ZNF609: variants seen among roughly 807,000 people sequenced by gnomAD.
ZNF609 encodes zinc finger protein 609.
In ZNF609, 11 loss-of-function variants were observed where a neutral mutation model predicts 109.5. The observed-to-expected ratio is 0.10, with a 90% confidence interval of 0.06 to 0.17. The LOEUF (loss-of-function observed/expected upper bound fraction) is 0.17. ZNF609 is among the 10% of genes least tolerant of loss of function. The pLI, the probability that ZNF609 is intolerant of heterozygous loss-of-function variation, is 1.00. For missense variants in ZNF609, 1,559 were observed against 1,772.4 expected (o/e 0.88, Z 2.16); for synonymous variants, 646 against 662.0 (o/e 0.98, Z 0.37).
chr15:64,529,710 G>A (rs1443364956), intron 2 of ZNF609: 4 of 672,042 alleles, frequency 6.0e-6, no homozygotes, highest in African/African-American at 1.8e-5. Flanking sequence ...GAGAGAATAT[G>A]TGGCTGTCTG....
intron 2 of ZNF609, among the ~76,000 whole-genome samples, chr15:64,600,308 A>G (rs1895473785): frequency 6.6e-6 from 1 of 151,778 alleles, no homozygotes; most frequent in South Asian, 2.1e-4. Flanking sequence ...AAATTAGCTG[A>G]GCATGGTGGC....
chr15:64,607,381 A>G (rs2140955066), intron 2 of ZNF609, among the ~76,000 whole-genome samples: 1 of 152,238 alleles, frequency 6.6e-6, no homozygotes, highest in African/African-American at 2.4e-5. Flanking sequence ...TACTTGAACC[A>G]AAACATTTCA....
Position 64,682,574 on chromosome 15 carries a change from T to TCC in ZNF609, c.*891_*892dup, listed in dbSNP as rs1286150847. On this transcript the variant is annotated 3_prime_UTR_variant, in exon 10 of 10. Transcript: ENST00000326648. ...CCCCTTGGTGCCTTTCCCAGGGGGA[T>TCC]CCCCACACTGGTCTTGCCTCTTCTT... is the stretch of plus-strand genomic sequence containing the variant. 1 of 152,862 alleles carries TCC rather than the reference T, an allele frequency of 6.5e-6. No homozygotes were observed. Among genetic ancestry groups the TCC allele is most frequent in the Non-Finnish European group, 1.5e-5 (1 of 68,148 alleles). 9.5% of individuals were successfully genotyped at this position (152,862 alleles called of 1,614,324 possible).
chr15:64,518,467 G>C (rs1156605918), intron 2 of ZNF609, among the ~76,000 whole-genome samples: 1 of 152,206 alleles, frequency 6.6e-6, no homozygotes, highest in Non-Finnish European at 1.5e-5. Flanking sequence ...TCAGATAGTA[G>C]AAGGCCTTAA....
intron 2 of ZNF609, among the ~76,000 whole-genome samples, chr15:64,569,849 TG>T (rs1238735528): frequency 3.1e-4 from 47 of 152,342 alleles, no homozygotes; most frequent in Middle Eastern, 3.4e-3. Context: ...TTTTCTGTAG[TG>T]TCTTTTCTGA....
chr15:64,461,890 C>T (rs1892946459), intron 1 of ZNF609, among the ~76,000 whole-genome samples: 1 of 152,148 alleles, frequency 6.6e-6, no homozygotes, highest in African/African-American at 2.4e-5. Flanking sequence ...ACCCCTGCTG[C>T]TTTGTCTTGG....
intron 1 of ZNF609, among the ~76,000 whole-genome samples, chr15:64,487,784 C>T (rs1011104165): frequency 1.3e-5 from 2 of 152,128 alleles, no homozygotes; most frequent in African/African-American, 2.4e-5. Flanking sequence ...AAGCGAGCGC[C>T]ACCACGCCCA....
At chr15:64,500,594 C>T (rs766615223) in intron 2 of ZNF609, 11 of 595,634 alleles carry the variant, frequency 1.8e-5, no homozygotes, top group African/African-American at 7.4e-5. Flanking sequence ...AGATTGAGTA[C>T]GGTTCTTGAT....
intron 1 of ZNF609, among the ~76,000 whole-genome samples, chr15:64,467,530 G>T (rs1893032400): frequency 6.6e-6 from 1 of 152,200 alleles, no homozygotes. Flanking sequence ...CTAGCAGGTG[G>T]TAATTAATAA....
chr15:64,549,477 G>C (rs1894427854), intron 2 of ZNF609, among the ~76,000 whole-genome samples: 1 of 152,050 alleles, frequency 6.6e-6, no homozygotes, highest in African/African-American at 2.4e-5. Context: ...TGCCAAGACT[G>C]TTGTAAGAAG....
chr15:64,637,322 G>C (rs1896191078), intron 3 of ZNF609, among the ~76,000 whole-genome samples: 2 of 152,068 alleles, frequency 1.3e-5, no homozygotes, highest in African/African-American at 2.4e-5. Context: ...GCAGTTTGAG[G>C]CTGTTATAAA....
chr15:64,577,256 TAC>T (rs1157610976), intron 2 of ZNF609, among the ~76,000 whole-genome samples: 1 of 104,176 alleles, frequency 9.6e-6, no homozygotes, highest in African/African-American at 3.3e-5. Flanking sequence ...TGTATATATA[TAC>T]ACACAAATAT....
chr15:64,600,099 G>C (rs1567025374), intron 2 of ZNF609, among the ~76,000 whole-genome samples: 1 of 152,156 alleles, frequency 6.6e-6, no homozygotes. Context: ...AAGGTGGGCA[G>C]ATAAGTCCAG....
At chr15:64,529,905 T>G (rs557809494) in intron 2 of ZNF609, among the ~76,000 whole-genome samples, 1 of 151,902 alleles carries the variant, frequency 6.6e-6, no homozygotes, top group South Asian at 2.1e-4. Context: ...TAATTTTGTA[T>G]TTTTAGTAGA....
At chr15:64,628,876 C>T (rs1362358792) in intron 3 of ZNF609, among the ~76,000 whole-genome samples, 1 of 152,076 alleles carries the variant, frequency 6.6e-6, no homozygotes, top group African/African-American at 2.4e-5. Context: ...CCCCCTGCCT[C>T]GGCCTTCCAA....
At chr15:64,630,363 T>G (rs1358946242) in intron 3 of ZNF609, among the ~76,000 whole-genome samples, 2 of 151,202 alleles carry the variant, frequency 1.3e-5, no homozygotes, top group African/African-American at 4.9e-5. Context: ...TGAGCCACCA[T>G]GCCCAGTACC....
Position 64,675,858 on chromosome 15 carries a change from C to T in ZNF609, c.3004C>T (p.Arg1002Trp), listed in dbSNP as rs372494247. 8.7e-6 allele frequency: 14 copies of T among 1,614,170 alleles called. No homozygotes were observed. In the East Asian group the frequency reaches 8.9e-5, roughly 10 times the overall value. ...THLLSTNTAY[R>W]QQYEEQQKRQ... The stretch of plus-strand genomic sequence containing the variant: ...CCTTCTGAGCACTAACACGGCTTAC[C>T]GGCAGCAGTACGAAGAACAGCAGAA... Residue 1002 changes from arginine (R) to tryptophan (W), a missense_variant, in exon 5 of 10, where the codon CGG becomes TGG. Arg to Trp is a moderately radical substitution (Grantham distance 101, BLOSUM62 -3). Transcript: ENST00000326648.
At chr15:64,505,755 A>G (rs1893627106) in intron 2 of ZNF609, among the ~76,000 whole-genome samples, 1 of 152,200 alleles carries the variant, frequency 6.6e-6, no homozygotes, top group Non-Finnish European at 1.5e-5. Flanking sequence ...TCAAAGTTTG[A>G]GAATTTTCCT....
chr15:64,658,927 G>A (rs1300038726), intron 3 of ZNF609, among the ~76,000 whole-genome samples: 23 of 152,058 alleles, frequency 1.5e-4, no homozygotes, highest in Non-Finnish European at 5.9e-5. Flanking sequence ...CTGTTACATG[G>A]TAATATAAAT....
Sources: allele counts gnomAD v4.1 joint callset (sites outside exome capture counted in the v4.1 genomes callset), GRCh38; gene constraint gnomAD v4.1.1; transcripts MANE v1.5; gene names NCBI Gene and HGNC (gene_info 2026-07-23, HGNC 2026-07-21).